HIBCH: variants seen among roughly 807,000 people sequenced by gnomAD.
The protein encoded by HIBCH is 3-hydroxyisobutyryl-CoA hydrolase, mitochondrial.
A neutral mutation model predicts 58.2 loss-of-function variants in HIBCH; 50 were observed. The observed-to-expected ratio is 0.86, with a 90% confidence interval of 0.68 to 1.09. HIBCH has a LOEUF of 1.09. HIBCH is among the 50% of genes least tolerant of loss of function. The pLI is 0.00. For synonymous variants in HIBCH, 151 were observed against 146.9 expected, an observed-to-expected ratio of 1.03 and a Z score of -0.20; for missense variants, 450 against 449.7, an observed-to-expected ratio of 1.00 and a Z score of -0.01.
At chr2:190,310,937 C>T (rs1688539759) in intron 1 of HIBCH, 141 bp from the exon 2 acceptor site, 1 of 718,120 alleles carries the variant, frequency 1.4e-6, no homozygotes, top group African/African-American at 1.7e-5. Context: ...AGCTCTCATT[C>T]ACTGCTGGTA....
intron 7 of HIBCH, among the ~76,000 whole-genome samples, chr2:190,255,164 T>C (rs1411065942): frequency 5.3e-5 from 8 of 152,192 alleles, no homozygotes; most frequent in Admixed American, 1.3e-4. Context: ...TGCTTTATAC[T>C]CTTCCACAAC....
At position 190,236,128 on chromosome 2, in the gene HIBCH, GCACACAC is replaced by G; in HGVS notation, c.891+8752_891+8758del. 1.3e-5 allele frequency among the ~76,000 whole-genome samples: 2 copies of G among 152,142 alleles called. No individual in the cohort carries two copies. The highest frequency in any genetic ancestry group is 1.3e-4 in the Admixed American group (2 of 15,264). ...AGAATGGAGACAAGCAGACAGAGGT[GCACACAC>G]CTTCATGGAGTAACTGCCATTTTAA... On this transcript the variant is annotated intron_variant, in intron 11 of 13. Coordinates refer to ENST00000359678, the MANE Select transcript of HIBCH (RefSeq NM_014362.4). The surrounding 1 kb of genome is among the most constrained non-coding windows in gnomAD (Gnocchi z 4.1).
In HIBCH at chr2:190,207,138, C is replaced by CA. The variant is rs112741887; in HGVS notation, c.1045+1741dup. 6.0e-3 allele frequency among the ~76,000 whole-genome samples: 911 copies of CA among 151,308 alleles called. 5 individuals carry two copies. Among genetic ancestry groups the CA allele is most frequent in the African/African-American group, 0.021 (861 of 41,316 alleles). ...CTCCATCTCAAAAAACAAAACAAAA[C>CA]AAAAAAAAGTCGTATAATAAGCACT... On this transcript the variant is annotated intron_variant, in intron 13 of 13. Transcript: ENST00000359678. This position sits in a 1 kb window ranked among gnomAD's most constrained non-coding sequence, Gnocchi z 4.5.
rs956922664 is a variant in HIBCH at position 190,203,978 on chromosome 2, ATT to A, written c.*1137_*1138del. 14 of 152,046 alleles carry A rather than the reference ATT, an allele frequency of 9.2e-5. No homozygotes were observed. Among genetic ancestry groups the A allele is most frequent in the South Asian group, 2.1e-4 (1 of 4,830 alleles). The allele number at this position is 152,046 out of a possible 1,614,324, so 9.4% of individuals were successfully genotyped here. On this transcript the variant is annotated 3_prime_UTR_variant, in exon 14 of 14. Coordinates refer to ENST00000359678, the MANE Select transcript of HIBCH (RefSeq NM_014362.4). ...AAAAATTACAAACAAAAAATTATAA[ATT>A]TTGTTTGTTAATTTATAAACTTACC...
At chr2:190,297,868 G>A (rs1051069195) in intron 2 of HIBCH, among the ~76,000 whole-genome samples, 3 of 151,866 alleles carry the variant, frequency 2.0e-5, no homozygotes, top group East Asian at 1.9e-4. Flanking sequence ...TAAACCCTGC[G>A]TGCATTAGGT....
intron 1 of HIBCH, among the ~76,000 whole-genome samples, chr2:190,195,467 G>A (rs1473915054): frequency 1.3e-5 from 2 of 152,154 alleles, no homozygotes; most frequent in African/African-American, 4.8e-5. Context: ...TGTTGCTTTT[G>A]CCATTATCTC....
downstream of HIBCH, chr2:190,200,226 A>AAGTACAAATAACTATCTGGATTT: frequency 1.8e-6 from 2 of 1,141,588 alleles, no homozygotes; most frequent in East Asian, 4.7e-5. Context: ...TGGTGTGAAA[A>AAGTACAAATAACTATCTGGATTT]AGTACAAATA....
chr2:190,316,213 A>G (rs759977308), intron 1 of HIBCH, among the ~76,000 whole-genome samples: 46 of 152,122 alleles, frequency 3.0e-4, no homozygotes, highest in Non-Finnish European at 3.2e-4. Flanking sequence ...GGTATGATAC[A>G]TGGGCTCAAA....
Position 190,243,940 on chromosome 2 carries a change from A to T in HIBCH, c.891+947T>A, listed in dbSNP as rs1409091880. ...AGTTGTGATTGCACCACTGTCCTCC[A>T]GCCTGGGGAACAGGGCAAGATTCTG... is the stretch of plus-strand genomic sequence containing the variant. On this transcript the variant is annotated intron_variant, in intron 11 of 13. Coordinates refer to ENST00000359678, the MANE Select transcript of HIBCH (RefSeq NM_014362.4). This position sits in a 1 kb window ranked among gnomAD's most constrained non-coding sequence, Gnocchi z 4.1. 6.6e-6 allele frequency among the ~76,000 whole-genome samples: 1 copy of T among 152,230 alleles called. No homozygotes were observed. The highest frequency in any genetic ancestry group is 1.9e-4 in the East Asian group (1 of 5,204).
At chr2:190,309,021 A>C (rs1471760638) in intron 2 of HIBCH, among the ~76,000 whole-genome samples, 2 of 152,204 alleles carry the variant, frequency 1.3e-5, no homozygotes, top group African/African-American at 4.8e-5. Context: ...ACAATCCCTT[A>C]ATTCCTAAAA....
intron 11 of HIBCH, among the ~76,000 whole-genome samples, chr2:190,233,048 A>T (rs1686156027): frequency 6.6e-6 from 1 of 152,182 alleles, no homozygotes; most frequent in African/African-American, 2.4e-5. Flanking sequence ...CAAACTCAGG[A>T]GTGATCTTGG....
chr2:190,228,451 AATG>A (rs1685981898), intron 11 of HIBCH, among the ~76,000 whole-genome samples: 1 of 151,554 alleles, frequency 6.6e-6, no homozygotes. Flanking sequence ...ACCTAATGTA[AATG>A]ATGAGTTAAT....
At chr2:190,266,472 C>A (rs977881010) in intron 6 of HIBCH, among the ~76,000 whole-genome samples, 1 of 152,192 alleles carries the variant, frequency 6.6e-6, no homozygotes, top group Non-Finnish European at 1.5e-5. Context: ...CTCACCCTGT[C>A]ACCCAGGCTG....
chr2:190,297,573 T>C (rs901199358), intron 2 of HIBCH, among the ~76,000 whole-genome samples: 12 of 152,216 alleles, frequency 7.9e-5, no homozygotes, highest in Non-Finnish European at 1.5e-5. Context: ...TACTTAATAA[T>C]TGTGAAGAAG....
rs906568594 is a variant in HIBCH at position 190,197,163 on chromosome 2, T to TA, written c.*18-7167_*18-7166insT. Among the ~76,000 whole-genome samples, 33 of 152,298 alleles carry TA rather than the reference T, an allele frequency of 2.2e-4. No individual in the cohort carries two copies. Among genetic ancestry groups the TA allele is most frequent in the African/African-American group, 6.7e-4 (28 of 41,566 alleles). ...ATACCATCACGTTGGGGATTAGGTTTCAATATATGAATTTGGAGAAGCCAC... is the reference window on the plus strand; with the variant it reads ...ATACCATCACGTTGGGGATTAGGTTTACAATATATGAATTTGGAGAAGCCAC... On this transcript the variant is annotated intron_variant, in intron 1 of 1. Transcript: ENST00000399855. The surrounding 1 kb of genome is among the most constrained non-coding windows in gnomAD (Gnocchi z 4.0).
Position 190,249,718 on chromosome 2 carries a change from C to T in HIBCH, c.672G>A (p.Met224Ile), listed in dbSNP as rs780792918. The change falls in exon 9 of 14, where the codon ATG (methionine) becomes ATA (isoleucine). Residue 224 changes from methionine (M) to isoleucine (I), a missense_variant. Coordinates refer to ENST00000359678, the MANE Select transcript of HIBCH (RefSeq NM_014362.4). ...THFVDSEKLA[M>I]LEEDLLALKS... Reference sequence around the variant, plus strand: ...TCAAGGCTAACAAATCTTCCTCTAACATGGCCAACTAAAGGGGAGGCAGAA... The same window carrying T: ...TCAAGGCTAACAAATCTTCCTCTAATATGGCCAACTAAAGGGGAGGCAGAA... 6.2e-7 allele frequency: 1 copy of T among 1,601,402 alleles called. No homozygotes were observed. Among genetic ancestry groups the T allele is most frequent in the East Asian group, 2.2e-5 (1 of 44,686 alleles).
Position 190,294,634 on chromosome 2 carries a change from T to C in HIBCH, c.220-4A>G. 6.3e-7 allele frequency: 1 copy of C among 1,597,858 alleles called. No individual in the cohort carries two copies. The highest frequency in any genetic ancestry group is 8.6e-7 in the Non-Finnish European group (1 of 1,166,076). ...TTTCAGGATCTTGTTCCCACTTCTA[T>C]TCAAATGTAACAGAAGATGGTATAA... On this transcript the variant is annotated splice_region_variant and splice_polypyrimidine_tract_variant and intron_variant, in intron 3 of 13. Transcript: ENST00000359678.
intron 1 of HIBCH, among the ~76,000 whole-genome samples, chr2:190,316,755 A>C (rs291458): frequency 0.57 from 86,464 of 151,960 alleles, 25,332 homozygotes; most frequent in South Asian, 0.61. Flanking sequence ...AACAACCTAA[A>C]AGAGCAACAA....
At chr2:190,242,561 T>C (rs927923541) in intron 11 of HIBCH, among the ~76,000 whole-genome samples, 1 of 152,160 alleles carries the variant, frequency 6.6e-6, no homozygotes, top group Non-Finnish European at 1.5e-5. Flanking sequence ...CGTGTGTTTA[T>C]CTACCTTTGA....
Sources: gnomAD v4.1 joint callset for allele counts (sites outside exome capture counted in the v4.1 genomes callset) on GRCh38, gnomAD v4.1.1 for gene constraint, Gnocchi (gnomAD v3.1) non-coding constraint, MANE v1.5 for transcripts, NCBI Gene and HGNC (gene_info 2026-07-23, HGNC 2026-07-21) for gene names.